LAD1: variants seen among roughly 807,000 people sequenced by gnomAD.
LAD1 encodes the protein ladinin 1, also known as ladinin-1.
A neutral mutation model predicts 54.2 loss-of-function variants in LAD1; 53 were observed. That is an observed-to-expected ratio of 0.98 (90% CI 0.78 to 1.23). LAD1 has a LOEUF of 1.23. LAD1 is among the 50% of genes most tolerant of loss of function. The pLI is 0.00. For missense variants in LAD1, 637 were observed against 653.3 expected (o/e 0.98, Z 0.27); for synonymous variants, 231 against 257.7 (o/e 0.90, Z 0.99).
intron 8 of LAD1, 53 bp from the exon 9 acceptor site, chr1:201,382,379 G>T (rs962666464): frequency 4.3e-6 from 6 of 1,411,604 alleles, no homozygotes; most frequent in Middle Eastern, 1.8e-4. Context: ...GCTCCAAAGG[G>T]CTCGGGATAC....
At chr1:201,382,948 T>C (rs1435096927) in intron 7 of LAD1, 126 bp downstream of exon 7, 11 of 1,212,970 alleles carry the variant, frequency 9.1e-6, no homozygotes, top group African/African-American at 1.5e-5. Flanking sequence ...GGAACTCAAA[T>C]GGAGGTTCTG....
rs542310518 is a variant in LAD1, at chr1:201,382,181, G to T, written c.1548+71C>A. 7.0e-6 allele frequency: 9 copies of T among 1,285,276 alleles called. No individual in the cohort carries two copies. The East Asian group carries it at 1.4e-4, about 20-fold the overall frequency. The allele number at this position is 1,285,276 out of a possible 1,614,324, so 79.6% of individuals were successfully genotyped here. On this transcript the variant is annotated intron_variant, in intron 9 of 9. Coordinates refer to ENST00000391967, the MANE Select transcript of LAD1 (RefSeq NM_005558.4). ...TGCAGGCCAATTAGTGTGTGCACAC[G>T]GGGACGATGGGGTCTCCCACAGTAC...
At chr1:201,390,822 T>C (rs1662185418) in intron 1 of LAD1, among the ~76,000 whole-genome samples, 1 of 152,098 alleles carries the variant, frequency 6.6e-6, no homozygotes, top group Non-Finnish European at 1.5e-5. Context: ...TAGGAACCAC[T>C]GGGTTGAACT....
At chr1:201,388,940 T>A (rs145367662) in intron 2 of LAD1, among the ~76,000 whole-genome samples, 2 of 152,320 alleles carry the variant, frequency 1.3e-5, no homozygotes, top group African/African-American at 4.8e-5. Context: ...CAGCACAGTA[T>A]TGGCTCATGG....
chr1:201,386,456 G>A lies in LAD1; in HGVS notation c.905C>T (p.Pro302Leu). ...AQEPPASGGS[P>L]ATTKEQRGRA... is the part of the protein sequence containing the mutation. ...TCCTCTCTGCTCCTTGGTGGTGGCT[G>A]GGCTTCCCCCAGAGGCTGGCGGCTC... The change falls in exon 3 of 10, where the codon CCA (proline) becomes CTA (leucine). Residue 302 changes from proline (P) to leucine (L), a missense_variant. Physicochemically the swap from Pro to Leu is moderately conservative, Grantham distance 98. Transcript: ENST00000391967. 6.5e-7 allele frequency: 1 copy of A among 1,546,038 alleles called. No individual in the cohort carries two copies. Among genetic ancestry groups the A allele is most frequent in the Non-Finnish European group, 8.7e-7 (1 of 1,152,796 alleles).
chr1:201,391,653 T>C (rs1361045145), intron 1 of LAD1, among the ~76,000 whole-genome samples: 1 of 152,212 alleles, frequency 6.6e-6, no homozygotes, highest in African/African-American at 2.4e-5. Context: ...AGAGAACAGA[T>C]GCTATAGGCC....
Position 201,393,336 on chromosome 1 carries a change from C to T in LAD1, c.39-4033G>A, listed in dbSNP as rs113722275. 7.9e-3 allele frequency among the ~76,000 whole-genome samples: 1,199 copies of T among 152,212 alleles called. 27 individuals are homozygous for T. The highest frequency in any genetic ancestry group is 0.028 in the African/African-American group (1,145 of 41,532). On this transcript the variant is annotated intron_variant, in intron 1 of 9. Coordinates refer to ENST00000391967, the MANE Select transcript of LAD1 (RefSeq NM_005558.4). ...ATTGTGAGCACAGAGGCACCAGATA[C>T]CACAGGAAAAGCAGATGCCAGGGCT...
intron 2 of LAD1, 139 bp downstream of exon 2, chr1:201,389,021 T>C (rs1056935681): frequency 1.0e-6 from 1 of 972,168 alleles, no homozygotes; most frequent in African/African-American, 1.6e-5. Flanking sequence ...CTGGGGAAGG[T>C]GGGGAACTGG....
intron 6 of LAD1, 44 bp from the exon 7 acceptor site, chr1:201,383,255 G>A: frequency 1.2e-6 from 2 of 1,614,010 alleles, no homozygotes; most frequent in Non-Finnish European, 1.7e-6. Context: ...CTGGGGAGGG[G>A]AAAGGGCCAT....
intron 5 of LAD1, 198 bp downstream of exon 5, chr1:201,384,594 T>A (rs1228230665): frequency 1.2e-5 from 7 of 606,994 alleles, no homozygotes; most frequent in Non-Finnish European, 2.0e-5. Context: ...TCCTTCCCCA[T>A]CCTTGTTCCA....
chr1:201,391,112 C>T lies in LAD1; in HGVS notation c.39-1809G>A, dbSNP rs563918581. 7.7e-5 allele frequency: 35 copies of T among 456,700 alleles called. No homozygotes were observed. In the East Asian group the frequency reaches 1.5e-3, roughly 19 times the overall value. 28.3% of individuals were successfully genotyped at this position (456,700 alleles called of 1,614,324 possible). A position where few individuals can be genotyped will look rare whatever the true frequency, so the allele number is the denominator to read the frequency against. On this transcript the variant is annotated intron_variant, in intron 1 of 9. Transcript: ENST00000391967. Reference sequence around the variant, plus strand: ...AAACTCCAATATCGCCTTCCTTTCACTTCCCAGGGGCTCTTGGAGCCTCCC... The same window carrying T: ...AAACTCCAATATCGCCTTCCTTTCATTTCCCAGGGGCTCTTGGAGCCTCCC...
chr1:201,386,622 T>C lies in LAD1; in HGVS notation c.739A>G (p.Met247Val). ...AGCCTCCTTCCTGAGCCCAGTGCCA[T>C]CCCTGGGGCCAGCGACTTCTCAGAG... The part of the protein sequence containing the change: ...SVSEKSLAPG[M>V]ALGSGRRLVS... The change falls in exon 3 of 10, where the codon ATG (methionine) becomes GTG (valine). Residue 247 changes from methionine to valine, a missense_variant. Coordinates refer to ENST00000391967, the MANE Select transcript of LAD1 (RefSeq NM_005558.4). 1 of 1,614,148 alleles carries C rather than the reference T, an allele frequency of 6.2e-7. No individual in the cohort carries two copies. Among genetic ancestry groups the C allele is most frequent in the Non-Finnish European group, 8.5e-7 (1 of 1,180,006 alleles).
chr1:201,381,865 C>G lies in LAD1; in HGVS notation c.*23G>C, dbSNP rs1444556827. 2 of 1,613,848 alleles carry G rather than the reference C, an allele frequency of 1.2e-6. No individual in the cohort carries two copies. Among genetic ancestry groups the G allele is most frequent in the South Asian group, 2.2e-5 (2 of 91,070 alleles). On this transcript the variant is annotated 3_prime_UTR_variant, in exon 10 of 10. Coordinates refer to ENST00000391967, the MANE Select transcript of LAD1 (RefSeq NM_005558.4). ...GGAGGTCCCTTGAGACGAAGACTTG[C>G]AGGTCTGTCTTGGCGGGGCTTGTCA...
chr1:201,397,053 GC>G (rs1012483130), intron 1 of LAD1, among the ~76,000 whole-genome samples: 3 of 152,050 alleles, frequency 2.0e-5, no homozygotes, highest in African/African-American at 7.2e-5. Context: ...GCTCACCACT[GC>G]CCCCCCAATC....
At position 201,387,051 on chromosome 1, in the gene LAD1, C is replaced by T; in HGVS notation, c.310G>A (p.Ala104Thr). 6.2e-7 allele frequency: 1 copy of T among 1,612,224 alleles called. No individual in the cohort carries two copies. Among genetic ancestry groups the T allele is most frequent in the Non-Finnish European group, 8.5e-7 (1 of 1,179,262 alleles). Residue 104 changes from alanine to threonine, a missense_variant, in exon 3 of 10, where the codon GCT (alanine) becomes ACT (threonine). Transcript: ENST00000391967. ...CTCTCCTGGATGGGGGCCTGTGCAG[C>T]CTCCACCACCTGCCGCCTCTGCCTC... ...ERRQRRQVVE[A>T]AQAPIQERLE... is the part of the protein sequence containing the mutation.
At chr1:201,383,046 A>G (rs1452900981) in intron 7 of LAD1, 28 bp downstream of exon 7, 1 of 1,602,328 alleles carries the variant, frequency 6.2e-7, no homozygotes, top group African/African-American at 1.3e-5. Flanking sequence ...AATCACCCTA[A>G]GGACCCTGTG....
chr1:201,384,429 A>G (rs184035448), intron 5 of LAD1, among the ~76,000 whole-genome samples: 22 of 152,070 alleles, frequency 1.4e-4, no homozygotes, highest in Admixed American at 9.2e-4. Context: ...CAGCCCCCCA[A>G]CCAGGCCTGC....
At chr1:201,397,642 T>A (rs1334480915) in intron 1 of LAD1, among the ~76,000 whole-genome samples, 2 of 150,832 alleles carry the variant, frequency 1.3e-5, no homozygotes, top group South Asian at 2.1e-4. Flanking sequence ...GAAGAAGGAG[T>A]GTCTGGTTTG....
rs912855603 is a variant in LAD1, at chr1:201,383,090, G to A, written c.1370C>T (p.Pro457Leu). ...KELAGQSRAE[P>L]ASSRKENLRL... Reference sequence around the variant, plus strand: ...GCCCCTCACCTTCCGGCTGGAGGCTGGTTCTGCTCGGCTCTGGCCCGCCAG... The same window carrying A: ...GCCCCTCACCTTCCGGCTGGAGGCTAGTTCTGCTCGGCTCTGGCCCGCCAG... Residue 457 changes from proline to leucine, a missense_variant, in exon 7 of 10, where the codon CCA becomes CTA. Physicochemically the swap from Pro to Leu is moderately conservative, Grantham distance 98 (BLOSUM62 -3). Transcript: ENST00000391967. The A allele has an allele frequency of 3.7e-6, 6 of 1,613,540 alleles. No homozygotes were observed. The highest frequency in any genetic ancestry group is 5.1e-6 in the Non-Finnish European group (6 of 1,179,594).
Sources: gnomAD v4.1 joint callset for allele counts (sites outside exome capture counted in the v4.1 genomes callset) on GRCh38, gnomAD v4.1.1 for gene constraint, MANE v1.5 for transcripts, NCBI Gene and HGNC (gene_info 2026-07-23, HGNC 2026-07-21) for gene names.